The following DLGAP2 variants were observed in gnomAD, a reference collection of about 807,000 sequenced individuals.
DLGAP2 encodes disks large-associated protein 2.
Under a neutral mutation model 100.3 loss-of-function variants are expected in DLGAP2, and 26 were observed. The observed-to-expected ratio is 0.26, with a 90% CI of 0.19 to 0.36. The LOEUF (loss-of-function observed/expected upper bound fraction) is 0.36, where lower values mean the gene tolerates loss of function less well. DLGAP2 is among the 10% of genes least tolerant of loss of function. The pLI, the probability that DLGAP2 is intolerant of heterozygous loss-of-function variation, is 1.00. For missense variants in DLGAP2, 1,858 were observed against 1,453.2 expected, an observed-to-expected ratio of 1.28 and a Z score of -4.53; for synonymous variants, 886 against 630.1, an observed-to-expected ratio of 1.41 and a Z score of -6.08.
intron 2 of DLGAP2, among the ~76,000 whole-genome samples, chr8:1,119,690 G>C (rs1177327741): frequency 6.6e-6 from 1 of 152,204 alleles, no homozygotes; most frequent in Non-Finnish European, 1.5e-5. Flanking sequence ...ACTCAACTTT[G>C]AATTTAAGTA....
At chr8:1,264,225 C>T (rs1229531382) in intron 3 of DLGAP2, among the ~76,000 whole-genome samples, 2 of 152,138 alleles carry the variant, frequency 1.3e-5, no homozygotes, top group African/African-American at 4.8e-5. Flanking sequence ...ACCAGGGGAT[C>T]AGCACGAGTT....
chr8:1,148,796 C>T (rs575014112), intron 2 of DLGAP2, among the ~76,000 whole-genome samples: 68 of 152,194 alleles, frequency 4.5e-4, no homozygotes, highest in African/African-American at 1.3e-3. Context: ...ATGTATTTTA[C>T]GTATTTCAAT....
chr8:1,430,039 C>CATATATATATAT (rs1563142192), intron 3 of DLGAP2, among the ~76,000 whole-genome samples: 1 of 33,402 alleles, frequency 3.0e-5, no homozygotes, highest in Non-Finnish European at 7.9e-5. Flanking sequence ...CACACACACA[C>CATATATATATAT]ATATGAACTT....
At chr8:1,645,111 A>C (rs1456920642) in intron 8 of DLGAP2, among the ~76,000 whole-genome samples, 1 of 152,236 alleles carries the variant, frequency 6.6e-6, no homozygotes, top group Non-Finnish European at 1.5e-5. Flanking sequence ...GAATCAAATG[A>C]ATGAATCAAA....
chr8:1,305,498 C>T (rs984088283), intron 3 of DLGAP2, among the ~76,000 whole-genome samples: 1 of 152,178 alleles, frequency 6.6e-6, no homozygotes, highest in Admixed American at 6.5e-5. Context: ...ATTTGTGTGT[C>T]TTTCTGTTCT....
At chr8:1,607,359 A>G (rs1440693183) in intron 6 of DLGAP2, among the ~76,000 whole-genome samples, 1 of 152,158 alleles carries the variant, frequency 6.6e-6, no homozygotes, top group African/African-American at 2.4e-5. Flanking sequence ...CTGGAGGACA[A>G]ATGATTGGAG....
chr8:1,514,831 G>A lies in DLGAP2; in HGVS notation c.172+13400G>A, dbSNP rs191873206. ...GGCCGGCCTGAGTCCGGAGGGTGGC[G>A]CTCAGCGTGATGCCACCCAGAGTCT... On this transcript the variant is annotated intron_variant, in intron 4 of 14. Transcript: ENST00000637795. Among the ~76,000 whole-genome samples the A allele has an allele frequency of 3.0e-3, 450 of 152,282 alleles. 3 individuals carry two copies. The highest frequency in any genetic ancestry group is 3.9e-3 in the Non-Finnish European group (265 of 68,020).
chr8:1,531,011 A>G (rs1800971837), intron 4 of DLGAP2, among the ~76,000 whole-genome samples: 1 of 152,260 alleles, frequency 6.6e-6, no homozygotes, highest in Non-Finnish European at 1.5e-5. Context: ...TTTGTTTTCT[A>G]ACATTCCTCA....
intron 3 of DLGAP2, among the ~76,000 whole-genome samples, chr8:1,493,973 C>T (rs903165194): frequency 6.6e-6 from 1 of 152,238 alleles, no homozygotes; most frequent in Non-Finnish European, 1.5e-5. Context: ...CGTGTTGTAT[C>T]TCCTGACCAC....
At chr8:1,300,392 C>G (rs1049296071) in intron 3 of DLGAP2, 1 of 152,194 alleles carries the variant, frequency 6.6e-6, no homozygotes, top group Non-Finnish European at 1.5e-5. Context: ...CCTACACTGG[C>G]GTTTGCACGG....
chr8:1,175,802 T>C (rs1563231890), intron 2 of DLGAP2, among the ~76,000 whole-genome samples: 1 of 152,228 alleles, frequency 6.6e-6, no homozygotes, highest in Non-Finnish European at 1.5e-5. Context: ...TTAATACTTA[T>C]TTGGGCATGT....
chr8:818,803 G>A (rs1796533209), intron 1 of DLGAP2, among the ~76,000 whole-genome samples: 2 of 152,142 alleles, frequency 1.3e-5, no homozygotes, highest in Non-Finnish European at 2.9e-5. Context: ...AGAAGAAATA[G>A]AAGATGATCT....
At chr8:938,969 C>G (rs1317705299) in intron 2 of DLGAP2, among the ~76,000 whole-genome samples, 2 of 152,250 alleles carry the variant, frequency 1.3e-5, no homozygotes, top group African/African-American at 2.4e-5. Flanking sequence ...CTGAGCCTTT[C>G]TGTTCAGAAA....
At position 1,565,742 on chromosome 8, in the gene DLGAP2, C is replaced by G; in HGVS notation, c.1290C>G (p.Cys430Trp). The G allele has an allele frequency of 6.2e-7, 1 of 1,613,720 alleles. No individual in the cohort carries two copies. The highest frequency in any genetic ancestry group is 8.5e-7 in the Non-Finnish European group (1 of 1,179,820). ...GTGGCAAAGATGAGGAGATTCCCTG[C>G]AGGAGAATGAGAAGTGGGAGTTACA... is the stretch of plus-strand genomic sequence containing the variant. ...PTGGKDEEIP[C>W]RRMRSGSYIK... The change falls in exon 6 of 15, where the codon TGC (cysteine) becomes TGG (tryptophan). Residue 430 changes from cysteine (C) to tryptophan (W), a missense_variant. Physicochemically the swap from Cys to Trp is radical, Grantham distance 215. Coordinates refer to ENST00000637795, the MANE Select transcript of DLGAP2 (RefSeq NM_001346810.2).
At chr8:820,815 C>G (rs1051226852) in intron 1 of DLGAP2, among the ~76,000 whole-genome samples, 2 of 152,112 alleles carry the variant, frequency 1.3e-5, no homozygotes, top group Admixed American at 6.5e-5. Flanking sequence ...CCTAAATACT[C>G]AAGAGTAAGG....
intron 4 of DLGAP2, among the ~76,000 whole-genome samples, chr8:1,537,704 AGGAT>A (rs1006129675): frequency 1.3e-5 from 2 of 150,594 alleles, no homozygotes; most frequent in African/African-American, 2.5e-5. Flanking sequence ...GATAGATGGA[AGGAT>A]GGATGGATGG....
chr8:1,244,678 C>T (rs1418809038), intron 2 of DLGAP2, among the ~76,000 whole-genome samples: 7 of 152,080 alleles, frequency 4.6e-5, no homozygotes, highest in Non-Finnish European at 8.8e-5. Context: ...ATTATAAAAC[C>T]GCAAGGACGT....
At chr8:1,311,177 G>A (rs62483952) in intron 3 of DLGAP2, among the ~76,000 whole-genome samples, 13,649 of 152,000 alleles carry the variant, frequency 0.09, 712 homozygotes, top group South Asian at 0.17. Context: ...TAGTTAACCC[G>A]GATGACATGG....
chr8:1,418,429 A>AT (rs973568557), intron 3 of DLGAP2, among the ~76,000 whole-genome samples: 53 of 152,142 alleles, frequency 3.5e-4, no homozygotes, highest in Non-Finnish European at 1.0e-4. Context: ...TAAAAAGATG[A>AT]TTATTTCTGT....
Sources: gnomAD v4.1 joint callset for allele counts (sites outside exome capture counted in the v4.1 genomes callset) on GRCh38, gnomAD v4.1.1 for gene constraint, MANE v1.5 for transcripts, NCBI Gene and HGNC (gene_info 2026-07-23, HGNC 2026-07-21) for gene names.